The following INPP5J variants were observed in gnomAD, a reference collection of about 807,000 sequenced individuals.
INPP5J encodes the protein inositol polyphosphate-5-phosphatase J.
A neutral mutation model predicts 86.6 loss-of-function variants in INPP5J; 75 were observed. The ratio of observed to expected loss-of-function variants is 0.87; its 90% CI spans 0.72 to 1.05. The LOEUF (loss-of-function observed/expected upper bound fraction) is 1.05. Ranked by LOEUF, INPP5J falls within the 50% of genes least tolerant of loss-of-function variation. The probability of loss-of-function intolerance (pLI) is 0.00; values close to 1 mark genes in which losing one functional copy is unlikely to be tolerated. For missense variants in INPP5J, 1,229 were observed against 1,341.2 expected (o/e 0.92, Z 1.31); for synonymous variants, 540 against 550.0 (o/e 0.98, Z 0.25).
At chr22:31,123,685 C>A (rs879541528) in intron 1 of INPP5J, among the ~76,000 whole-genome samples, 2 of 152,134 alleles carry the variant, frequency 1.3e-5, no homozygotes, top group Non-Finnish European at 2.9e-5. Flanking sequence ...GGCCTCCCTG[C>A]GCCCTGTTAC....
At position 31,128,020 on chromosome 22, in the gene INPP5J, C is replaced by G; in HGVS notation, c.1857C>G (p.Ala619=). Residue 619 remains alanine, a synonymous_variant, in exon 7 of 13, where the codon GCC becomes GCG. Coordinates refer to ENST00000331075, the MANE Select transcript of INPP5J (RefSeq NM_001284285.2). ...ATGACCTGCACTTTGTCAAGTTTGC[C>G]ATCGACAGTGACCAGCTCCATCAGC... ...ESYDLHFVKF[A]IDSDQLHQLW... is the part of the protein sequence containing the mutation. The G allele has an allele frequency of 6.2e-7, 1 of 1,613,548 alleles. No homozygotes were observed. Among genetic ancestry groups the G allele is most frequent in the Non-Finnish European group, 8.5e-7 (1 of 1,179,744 alleles).
At chr22:31,122,864 C>T, upstream of INPP5J, 1 of 529,140 alleles carries the variant, frequency 1.9e-6, no homozygotes, top group South Asian at 3.2e-5. Context: ...AGGGGGTAGC[C>T]ACCTTGCTTC....
chr22:31,128,189 A>G lies in INPP5J; in HGVS notation c.1900-25A>G, dbSNP rs116725070. The G allele has an allele frequency of 1.9e-3, 2,966 of 1,547,440 alleles. 54 individuals carry two copies. The African/African-American group carries it at 0.034, about 17-fold the overall frequency. ...ACAGCAGAGCCCAAGCTGTTGTCCA[A>G]TCTGCTCTCCTGGACCCCCCACAGC... On this transcript the variant is annotated intron_variant, in intron 7 of 12. Coordinates refer to ENST00000331075, the MANE Select transcript of INPP5J (RefSeq NM_001284285.2).
At position 31,123,090 on chromosome 22, in the gene INPP5J, G is replaced by A; in HGVS notation, c.76G>A (p.Gly26Ser). Residue 26 changes from glycine to serine, a missense_variant, in exon 1 of 13, where the codon GGT becomes AGT. Transcript: ENST00000331075. ...CCTGGGTTCCCTGCCCATGCCCCAGGGTGTTGCCCAAACTGGGGCACCCTC... is the reference window on the plus strand; with the variant it reads ...CCTGGGTTCCCTGCCCATGCCCCAGAGTGTTGCCCAAACTGGGGCACCCTC... ...AGLGSLPMPQ[G>S]VAQTGAPSKV... 1 of 1,484,240 alleles carries A rather than the reference G, an allele frequency of 6.7e-7. No individual in the cohort carries two copies. The highest frequency in any genetic ancestry group is 8.9e-7 in the Non-Finnish European group (1 of 1,121,118). 91.9% of individuals were successfully genotyped at this position (1,484,240 alleles called of 1,614,324 possible).
chr22:31,124,462 G>A (rs543983802), intron 1 of INPP5J, among the ~76,000 whole-genome samples: 33 of 152,322 alleles, frequency 2.2e-4, no homozygotes, highest in Admixed American at 1.4e-3. Context: ...GTCAGTAGCC[G>A]TGGCTGGGGG....
Position 31,134,601 on chromosome 22 carries a change from A to C in INPP5J, c.*182A>C. 3.9e-6 allele frequency: 2 copies of C among 519,204 alleles called. No individual in the cohort carries two copies. Among genetic ancestry groups the C allele is most frequent in the Non-Finnish European group, 3.2e-6 (1 of 316,818 alleles). The allele number at this position is 519,204 out of a possible 1,614,324, so 32.2% of individuals were successfully genotyped here. A position where few individuals can be genotyped will look rare whatever the true frequency, so the allele number is the denominator to read the frequency against. ...GGCACCTCAACTGTGACAATCAGCA[A>C]AGCCCCACCCAGGCCCCCATCTGGG... On this transcript the variant is annotated 3_prime_UTR_variant, in exon 13 of 13. Transcript: ENST00000331075.
chr22:31,122,863 C>T, upstream of INPP5J: 1 of 526,988 alleles, frequency 1.9e-6, no homozygotes, highest in Non-Finnish European at 3.2e-6. Flanking sequence ...CAGGGGGTAG[C>T]CACCTTGCTT....
rs1481503930 is a variant in INPP5J at position 31,127,519 on chromosome 22, A to G, written c.1774A>G (p.Ile592Val). The G allele has an allele frequency of 2.2e-5, 36 of 1,612,858 alleles. No individual in the cohort carries two copies. The highest frequency in any genetic ancestry group is 3.0e-5 in the Non-Finnish European group (35 of 1,179,334). The change falls in exon 6 of 13, where the codon ATC becomes GTC. Residue 592 changes from isoleucine (I) to valine (V), a missense_variant. Physicochemically the swap from Ile to Val is conservative, Grantham distance 29 (BLOSUM62 3). Transcript: ENST00000331075. The part of the protein sequence containing the change: ...QQFQGPGAQG[I>V]LDHDLVFWFG... ...GTTCCAAGGGCCGGGCGCACAGGGCATCCTGGATCATGAGTATGGGCTGGG... is the reference window on the plus strand; with the variant it reads ...GTTCCAAGGGCCGGGCGCACAGGGCGTCCTGGATCATGAGTATGGGCTGGG...
In INPP5J at chr22:31,133,910, C is replaced by G; in HGVS notation, c.2515-3C>G. ...GCGCCCCAGTGACCAGCATTTCCCCCAGATCTCGCTGCCTTCCTCGGAGTT... is the reference window on the plus strand; with the variant it reads ...GCGCCCCAGTGACCAGCATTTCCCCGAGATCTCGCTGCCTTCCTCGGAGTT... On this transcript the variant is annotated splice_polypyrimidine_tract_variant and splice_region_variant and intron_variant, in intron 12 of 12. Transcript: ENST00000331075. 1.2e-6 allele frequency: 2 copies of G among 1,609,486 alleles called. No homozygotes were observed. The highest frequency in any genetic ancestry group is 1.7e-6 in the Non-Finnish European group (2 of 1,177,010).
intron 9 of INPP5J, among the ~76,000 whole-genome samples, chr22:31,132,746 GA>G (rs34906644): frequency 0.44 from 59,836 of 135,250 alleles, 12,867 homozygotes; most frequent in Middle Eastern, 0.62. Flanking sequence ...CTCAGAAAAA[GA>G]AAAAAAAAAA....
chr22:31,127,824 T>C (rs1717583891), intron 6 of INPP5J, 127 bp from the exon 7 acceptor site: 2 of 677,606 alleles, frequency 3.0e-6, no homozygotes, highest in Admixed American at 4.6e-5. Flanking sequence ...CTGGCACCAC[T>C]CACCCACTCA....
rs529365616 is a variant in INPP5J at position 31,127,372 on chromosome 22, G to A, written c.1627G>A (p.Val543Met). ...LGGYWGNKGG[V>M]SVRLAAFGHM... ...GCCTCCCTAGGGTAACAAGGGTGGC[G>A]TGAGCGTGCGCCTGGCGGCCTTCGG... The change falls in exon 6 of 13, where the codon GTG becomes ATG. Residue 543 changes from valine to methionine, a missense_variant. Transcript: ENST00000331075. 24 of 1,611,688 alleles carry A rather than the reference G, an allele frequency of 1.5e-5. No homozygotes were observed. The highest frequency in any genetic ancestry group is 8.0e-5 in the African/African-American group (6 of 75,034).
At chr22:31,124,614 CATCTGTGAAAGAGG>C (rs1039658978) in intron 1 of INPP5J, among the ~76,000 whole-genome samples, 2 of 152,264 alleles carry the variant, frequency 1.3e-5, no homozygotes, top group Admixed American at 6.5e-5. Context: ...TGAGTTTCCC[CATCTGTGAAAGAGG>C]TTTCAGACTT....
intron 9 of INPP5J, among the ~76,000 whole-genome samples, chr22:31,130,035 C>T (rs1921926223): frequency 6.6e-6 from 1 of 151,622 alleles, no homozygotes; most frequent in East Asian, 1.9e-4. Flanking sequence ...CAGTGAGACA[C>T]TGTCTTTAAA....
intron 9 of INPP5J, 58 bp downstream of exon 9, chr22:31,128,712 C>T (rs1921759247): frequency 7.1e-7 from 1 of 1,414,982 alleles, no homozygotes; most frequent in Non-Finnish European, 9.6e-7. Context: ...CGGCATACCA[C>T]TGCCCCTCAC....
Position 31,125,156 on chromosome 22 carries a change from G to A in INPP5J, c.417G>A (p.Gly139=), listed in dbSNP as rs1921252808. ...CAGTTCTGGCTCCGACGTCCCTGGG[G>A]CTGGTGATGCCTGCCTCAGCAGGGC... ...TGSVLAPTSL[G]LVMPASAGPR... Residue 139 remains glycine (G), a synonymous_variant, in exon 2 of 13, where the codon GGG becomes GGA. Transcript: ENST00000331075. 6.4e-7 allele frequency: 1 copy of A among 1,550,394 alleles called. No homozygotes were observed.
At chr22:31,128,152 C>G in intron 7 of INPP5J, 62 bp from the exon 8 acceptor site, 5 of 1,441,652 alleles carry the variant, frequency 3.5e-6, no homozygotes, top group Non-Finnish European at 4.8e-6. Flanking sequence ...CTGCCCCACC[C>G]CCTCCCTGGG....
rs1163005011 is a variant in INPP5J, at chr22:31,127,836, T to G, written c.1788-115T>G. 4 of 710,716 alleles carry G rather than the reference T, an allele frequency of 5.6e-6. No individual in the cohort carries two copies. In the African/African-American group the frequency reaches 7.0e-5, roughly 12 times the overall value. The allele number at this position is 710,716 out of a possible 1,614,324, so 44.0% of individuals were successfully genotyped here. A position where few individuals can be genotyped will look rare whatever the true frequency, so the allele number is the denominator to read the frequency against. ...GCTCTGGCACCACTCACCCACTCACTACATCCCCTCGGGTTGGATGGGCTG... is the reference window on the plus strand; with the variant it reads ...GCTCTGGCACCACTCACCCACTCACGACATCCCCTCGGGTTGGATGGGCTG... On this transcript the variant is annotated intron_variant, in intron 6 of 12. Transcript: ENST00000331075.
Position 31,125,099 on chromosome 22 carries a change from T to C in INPP5J, c.360T>C (p.Ala120=), listed in dbSNP as rs1173753103. Residue 120 remains alanine (A), a synonymous_variant, in exon 2 of 13, where the codon GCT becomes GCC. Coordinates refer to ENST00000331075, the MANE Select transcript of INPP5J (RefSeq NM_001284285.2). Reference sequence around the variant, plus strand: ...GCCAGCTGGTGATGTCTGCCTCAGCTGGACCAAAGCCTCCCCCAGCGACCA... The same window carrying C: ...GCCAGCTGGTGATGTCTGCCTCAGCCGGACCAAAGCCTCCCCCAGCGACCA... ...SVGQLVMSAS[A]GPKPPPATTG... 2 of 1,549,794 alleles carry C rather than the reference T, an allele frequency of 1.3e-6. No homozygotes were observed. Among genetic ancestry groups the C allele is most frequent in the Non-Finnish European group, 1.7e-6 (2 of 1,146,970 alleles).
Sources: allele counts gnomAD v4.1 joint callset (sites outside exome capture counted in the v4.1 genomes callset), GRCh38; gene constraint gnomAD v4.1.1; transcripts MANE v1.5; gene names NCBI Gene and HGNC (gene_info 2026-07-23, HGNC 2026-07-21).